The following METTL25 variants were observed in gnomAD, a reference collection of about 807,000 sequenced individuals.
METTL25 encodes the protein probable methyltransferase-like protein 25.
In METTL25, 64 loss-of-function variants were observed where a neutral mutation model predicts 71.6. That is an observed-to-expected ratio of 0.89 (90% CI 0.73 to 1.10). METTL25 has a LOEUF of 1.10. Ranked by LOEUF, METTL25 falls within the 50% of genes least tolerant of loss-of-function variation. The pLI is 0.00. For synonymous variants in METTL25, 287 were observed against 250.3 expected, an observed-to-expected ratio of 1.15 and a Z score of -1.38; for missense variants, 807 against 707.0, an observed-to-expected ratio of 1.14 and a Z score of -1.60.
chr12:82,458,469 G>T (rs991719818), intron 9 of METTL25, among the ~76,000 whole-genome samples: 9 of 152,218 alleles, frequency 5.9e-5, no homozygotes, highest in Middle Eastern at 3.4e-3. Context: ...ACAGAAACCT[G>T]TGCCAGAGTA....
At chr12:82,378,652 A>G (rs900540896) in intron 1 of METTL25, among the ~76,000 whole-genome samples, 19 of 152,236 alleles carry the variant, frequency 1.2e-4, no homozygotes, top group African/African-American at 4.6e-4. Flanking sequence ...TACTCCCTCA[A>G]AATCCCTTAT....
At chr12:82,391,869 C>T (rs1010236589) in intron 3 of METTL25, among the ~76,000 whole-genome samples, 2 of 151,350 alleles carry the variant, frequency 1.3e-5, no homozygotes, top group Non-Finnish European at 3.0e-5. Flanking sequence ...TATGAGTTCT[C>T]CTTTCTCTAC....
At chr12:82,398,673 T>TAA in intron 3 of METTL25, 122 bp from the exon 4 acceptor site, 5 of 537,472 alleles carry the variant, frequency 9.3e-6, no homozygotes, top group Non-Finnish European at 1.4e-5. Flanking sequence ...TTCATAGGAA[T>TAA]AAAAAAAAAT....
chr12:82,418,561 T>C (rs1415805973), intron 5 of METTL25, among the ~76,000 whole-genome samples: 1 of 152,158 alleles, frequency 6.6e-6, no homozygotes, highest in Non-Finnish European at 1.5e-5. Context: ...GTAAAAATGA[T>C]ATTTCACAGT....
intron 5 of METTL25, among the ~76,000 whole-genome samples, chr12:82,415,377 C>T (rs1307578982): frequency 2.6e-5 from 4 of 151,966 alleles, no homozygotes; most frequent in Non-Finnish European, 5.9e-5. Context: ...AAGGAATTAG[C>T]AGTGGAGATG....
chr12:82,415,355 A>T (rs1205792492), intron 5 of METTL25, among the ~76,000 whole-genome samples: 1 of 152,138 alleles, frequency 6.6e-6, no homozygotes, highest in African/African-American at 2.4e-5. Context: ...ATACTAGTAC[A>T]TTGATCATAT....
chr12:82,475,939 C>A (rs1565892733), intron 9 of METTL25, among the ~76,000 whole-genome samples: 1 of 151,948 alleles, frequency 6.6e-6, no homozygotes, highest in African/African-American at 2.4e-5. Context: ...TGTTGGCACT[C>A]AAAAAGTTTC....
At position 82,434,658 on chromosome 12, in the gene METTL25, A is replaced by G. The variant is rs369728726; in HGVS notation, c.1375-37A>G. 2.3e-5 allele frequency: 37 copies of G among 1,594,560 alleles called. No individual in the cohort carries two copies. In the South Asian group the frequency reaches 2.6e-4, roughly 11 times the overall value. On this transcript the variant is annotated intron_variant, in intron 6 of 11. Transcript: ENST00000248306. ...GTGTTTATAAATCTTATAAGACTCA[A>G]TATATCAACAATCTGTCTTGTTTTT...
chr12:82,407,880 C>T (rs1259797590), intron 5 of METTL25: 3 of 984,552 alleles, frequency 3.0e-6, no homozygotes, highest in Admixed American at 6.2e-5. Context: ...AGGTAACATA[C>T]TCCCTTTTCT....
At chr12:82,413,175 A>C (rs1052345019) in intron 5 of METTL25, among the ~76,000 whole-genome samples, 5 of 151,974 alleles carry the variant, frequency 3.3e-5, no homozygotes, top group Admixed American at 1.3e-4. Context: ...TCCTAATTTA[A>C]ACCATGAAAC....
intron 1 of METTL25, among the ~76,000 whole-genome samples, chr12:82,363,007 G>C (rs1235299788): frequency 1.3e-5 from 2 of 152,232 alleles, no homozygotes; most frequent in African/African-American, 4.8e-5. Context: ...CCTAGCCCCT[G>C]TAGATCTAGC....
chr12:82,385,857 G>C (rs1884938085), intron 1 of METTL25, among the ~76,000 whole-genome samples: 1 of 152,216 alleles, frequency 6.6e-6, no homozygotes, highest in South Asian at 2.1e-4. Flanking sequence ...CACATGCTTT[G>C]ATTACAGAGC....
At chr12:82,454,730 C>T (rs1054651802) in intron 8 of METTL25, among the ~76,000 whole-genome samples, 1 of 151,874 alleles carries the variant, frequency 6.6e-6, no homozygotes, top group African/African-American at 2.4e-5. Flanking sequence ...GGAAACAAAC[C>T]AATACCACCT....
intron 6 of METTL25, 83 bp downstream of exon 6, chr12:82,431,070 A>G (rs1889458824): frequency 1.2e-6 from 1 of 811,112 alleles, no homozygotes; most frequent in Non-Finnish European, 1.9e-6. Context: ...CATGCATTCA[A>G]TGCCAAATTT....
intron 1 of METTL25, among the ~76,000 whole-genome samples, chr12:82,371,753 G>A (rs888545207): frequency 1.8e-4 from 27 of 152,238 alleles, no homozygotes; most frequent in South Asian, 6.2e-4. Context: ...CAAGTGAGCC[G>A]GGTGACAGGG....
chr12:82,373,699 A>T (rs1486420422), intron 1 of METTL25, among the ~76,000 whole-genome samples: 52 of 152,132 alleles, frequency 3.4e-4, no homozygotes, highest in Admixed American at 3.4e-3. Context: ...GGGACCCTGG[A>T]GCTGATTGGC....
At chr12:82,360,168 C>T (rs550415588) in intron 1 of METTL25, among the ~76,000 whole-genome samples, 33 of 152,282 alleles carry the variant, frequency 2.2e-4, no homozygotes, top group African/African-American at 7.9e-4. Context: ...AAACTACTCT[C>T]AAGTTTAGAG....
chr12:82,445,915 A>C (rs1383551201), intron 8 of METTL25, among the ~76,000 whole-genome samples: 5 of 152,214 alleles, frequency 3.3e-5, no homozygotes, highest in Non-Finnish European at 4.4e-5. Context: ...ATATCGGTAA[A>C]GCTTCCGGTC....
intron 1 of METTL25, among the ~76,000 whole-genome samples, chr12:82,362,926 A>T (rs1056221109): frequency 1.3e-5 from 2 of 152,238 alleles, no homozygotes; most frequent in African/African-American, 4.8e-5. Flanking sequence ...ATATAAGAAG[A>T]GGTTACTATT....
Sources: allele counts gnomAD v4.1 joint callset (sites outside exome capture counted in the v4.1 genomes callset), GRCh38; gene constraint gnomAD v4.1.1; transcripts MANE v1.5; gene names NCBI Gene and HGNC (gene_info 2026-07-23, HGNC 2026-07-21).